The following BSN variants were observed in gnomAD, a reference collection of about 807,000 sequenced individuals.
The protein encoded by BSN is protein bassoon.
In BSN, 57 loss-of-function variants were observed where a neutral mutation model predicts 264.8. The observed-to-expected ratio is 0.22, with a 90% CI of 0.17 to 0.27. The LOEUF (loss-of-function observed/expected upper bound fraction) is 0.27, where lower values mean the gene tolerates loss of function less well. Among genes scored for constraint, BSN ranks in the 10% least tolerant of loss-of-function variants. The pLI is 1.00. For missense variants in BSN, 4,615 were observed against 5,232.5 expected, an observed-to-expected ratio of 0.88 and a Z score of 3.64; for synonymous variants, 2,059 against 2,137.3, an observed-to-expected ratio of 0.96 and a Z score of 1.01.
chr3:49,652,039 C>T lies in BSN; in HGVS notation c.2483C>T (p.Pro828Leu), dbSNP rs1238012744. Residue 828 changes from proline (P) to leucine (L), a missense_variant, in exon 5 of 12, where the codon CCC (proline) becomes CTC (leucine). Transcript: ENST00000296452. Reference sequence around the variant, plus strand: ...GAGGGTGGCCTGTCCCCTCTTCCACCCCAGCCCCCAGCCCGGGCAGCAGAA... The same window carrying T: ...GAGGGTGGCCTGTCCCCTCTTCCACTCCAGCCCCCAGCCCGGGCAGCAGAA... Reference protein sequence around the residue: ...SSEGGLSPLPPQPPARAAELT... With the variant: ...SSEGGLSPLPLQPPARAAELT... 3 of 1,610,154 alleles carry T rather than the reference C, an allele frequency of 1.9e-6. No individual in the cohort carries two copies. Among genetic ancestry groups the T allele is most frequent in the Non-Finnish European group, 2.5e-6 (3 of 1,177,294 alleles).
chr3:49,650,802 C>T lies in BSN; in HGVS notation c.1709C>T (p.Ala570Val), dbSNP rs1436231223. Residue 570 changes from alanine to valine, a missense_variant, in exon 4 of 12, where the codon GCC (alanine) becomes GTC (valine). Coordinates refer to ENST00000296452, the MANE Select transcript of BSN (RefSeq NM_003458.4). Reference sequence around the variant, plus strand: ...GGCCAGCCTTCAGGCCCCCTGCCTGCCAAGGCCAGCCCTCTATCCACCAAG... The same window carrying T: ...GGCCAGCCTTCAGGCCCCCTGCCTGTCAAGGCCAGCCCTCTATCCACCAAG... Reference protein sequence around the residue: ...GLGQPSGPLPAKASPLSTKAS... With the variant: ...GLGQPSGPLPVKASPLSTKAS... 3 of 1,613,976 alleles carry T rather than the reference C, an allele frequency of 1.9e-6. No homozygotes were observed. Among genetic ancestry groups the T allele is most frequent in the Middle Eastern group, 1.6e-4 (1 of 6,062 alleles).
intron 1 of BSN, among the ~76,000 whole-genome samples, chr3:49,601,903 C>T (rs953897834): frequency 1.3e-5 from 2 of 152,166 alleles, no homozygotes; most frequent in Non-Finnish European, 2.9e-5. Context: ...TGCGTGGTCC[C>T]CAGTTCTGTT....
chr3:49,575,413 T>G (rs545523885), intron 1 of BSN, among the ~76,000 whole-genome samples: 4 of 147,310 alleles, frequency 2.7e-5, no homozygotes, highest in Non-Finnish European at 6.0e-5. Context: ...TATATGTAAA[T>G]ATATATATGT....
intron 1 of BSN, among the ~76,000 whole-genome samples, chr3:49,570,198 G>GCAGC (rs937446205): frequency 2.0e-5 from 3 of 152,144 alleles, no homozygotes; most frequent in Non-Finnish European, 2.9e-5. Context: ...TGATTGCCTG[G>GCAGC]CAGCCTAAGA....
intron 1 of BSN, among the ~76,000 whole-genome samples, chr3:49,574,574 C>T (rs1235915056): frequency 6.6e-6 from 1 of 150,626 alleles, no homozygotes; most frequent in East Asian, 2.0e-4. Flanking sequence ...ACTGGGATTA[C>T]AGGCGCCTGC....
rs2052055625 is a variant in BSN, at chr3:49,599,589, T to C, written c.225-25386T>C. ...GTCCAAACACCACAGACTCTCACTG[T>C]TCTTACCAAGATTTAGTAGACTTTC... On this transcript the variant is annotated intron_variant, in intron 1 of 11. Coordinates refer to ENST00000296452, the MANE Select transcript of BSN (RefSeq NM_003458.4). 2.6e-5 allele frequency among the ~76,000 whole-genome samples: 4 copies of C among 152,194 alleles called. 1 individual carries two copies. The South Asian group carries it at 8.3e-4, about 32-fold the overall frequency.
chr3:49,621,378 G>A (rs2052304196), intron 1 of BSN, among the ~76,000 whole-genome samples: 1 of 152,212 alleles, frequency 6.6e-6, no homozygotes, highest in Non-Finnish European at 1.5e-5. Context: ...TCTCTCCAGT[G>A]TAAGGAGTGG....
rs757224173 is a variant in BSN, at chr3:49,655,046, G to A, written c.5490G>A (p.Lys1830=). The A allele has an allele frequency of 6.2e-7, 1 of 1,612,986 alleles. No individual in the cohort carries two copies. The highest frequency in any genetic ancestry group is 8.5e-7 in the Non-Finnish European group (1 of 1,180,040). The change falls in exon 5 of 12, where the codon AAG becomes AAA. Residue 1830 remains lysine (K), a synonymous_variant. Transcript: ENST00000296452. The stretch of plus-strand genomic sequence containing the variant: ...GCACCGCCCAGAGCATTGGCCTCAA[G>A]CCAGGCCCAGTGCCAGAGCCAGGTG... ...QMGTAQSIGL[K]PGPVPEPGAE...
At chr3:49,606,488 C>G (rs973397142) in intron 1 of BSN, among the ~76,000 whole-genome samples, 13 of 150,420 alleles carry the variant, frequency 8.6e-5, no homozygotes, top group Non-Finnish European at 1.5e-4. Flanking sequence ...TTGATCTTTG[C>G]TTATATCCTG....
chr3:49,603,049 A>G (rs1265427035), intron 1 of BSN, among the ~76,000 whole-genome samples: 1 of 152,162 alleles, frequency 6.6e-6, no homozygotes, highest in Non-Finnish European at 1.5e-5. Flanking sequence ...AGCCTGACCC[A>G]CTTGGCCATA....
chr3:49,632,637 C>T (rs2052390633), intron 2 of BSN, among the ~76,000 whole-genome samples: 1 of 152,064 alleles, frequency 6.6e-6, no homozygotes, highest in African/African-American at 2.4e-5. Flanking sequence ...AGCCCCATCT[C>T]TACTAAAAAT....
At position 49,660,808 on chromosome 3, in the gene BSN, A is replaced by T. The variant is rs1399082186; in HGVS notation, c.8963A>T (p.Glu2988Val). The T allele has an allele frequency of 6.2e-7, 1 of 1,613,154 alleles. No homozygotes were observed. The highest frequency in any genetic ancestry group is 1.1e-5 in the South Asian group (1 of 91,086). The change falls in exon 6 of 12, where the codon GAG becomes GTG. Residue 2988 changes from glutamate to valine, a missense_variant. Around this residue, in one of 3 missense-constraint regions of BSN, gnomAD observed 3,415 missense variants for 3,866.4 expected, o/e 0.88. Coordinates refer to ENST00000296452, the MANE Select transcript of BSN (RefSeq NM_003458.4). This position sits in a 1 kb window ranked among gnomAD's most constrained non-coding sequence, Gnocchi z 7.1. The stretch of plus-strand genomic sequence containing the variant: ...GAGTTGGGTATCACACAACGCAAAG[A>T]GTCTTTGGCCAAAGACCGGGGTGGC... Reference protein sequence around the residue: ...YLELGITQRKESLAKDRGGRD... With the variant: ...YLELGITQRKVSLAKDRGGRD...
chr3:49,567,646 G>A (rs1246708630), intron 1 of BSN, among the ~76,000 whole-genome samples: 1 of 152,194 alleles, frequency 6.6e-6, no homozygotes, highest in East Asian at 1.9e-4. Context: ...TAACATTCCT[G>A]TAGTCAAGCA....
chr3:49,619,286 A>G (rs2052284804), intron 1 of BSN, among the ~76,000 whole-genome samples: 1 of 152,214 alleles, frequency 6.6e-6, no homozygotes, highest in Admixed American at 6.5e-5. Context: ...TTCAATGCCA[A>G]GCGTGGCGCT....
At chr3:49,564,362 G>A (rs1221952433) in intron 1 of BSN, among the ~76,000 whole-genome samples, 2 of 152,210 alleles carry the variant, frequency 1.3e-5, no homozygotes, top group Non-Finnish European at 2.9e-5. Flanking sequence ...CACAGCCCAA[G>A]TGTGAATCTG....
In BSN at chr3:49,657,705, G is replaced by C; in HGVS notation, c.8149G>C (p.Ala2717Pro). Residue 2717 changes from alanine (A) to proline (P), a missense_variant, in exon 5 of 12, where the codon GCC (alanine) becomes CCC (proline). Transcript: ENST00000296452. ...PEKTGRGESLACQTEPDGQAQ... is the reference protein window; with the variant it reads ...PEKTGRGESLPCQTEPDGQAQ... ...GAAGACTGGGCGTGGGGAGAGCCTG[G>C]CCTGCCAGACGGAGCCAGATGGGCA... 1.3e-6 allele frequency: 2 copies of C among 1,553,446 alleles called. No individual in the cohort carries two copies. Among genetic ancestry groups the C allele is most frequent in the Non-Finnish European group, 1.7e-6 (2 of 1,146,522 alleles).
At chr3:49,646,963 T>C in intron 3 of BSN, among the ~76,000 whole-genome samples, 1 of 152,192 alleles carries the variant, frequency 6.6e-6, no homozygotes, top group East Asian at 1.9e-4. Flanking sequence ...GTGATGGCCA[T>C]CCCTGTGGTC....
chr3:49,661,202 A>C lies in BSN; in HGVS notation c.9357A>C (p.Ala3119=). 6.2e-7 allele frequency: 1 copy of C among 1,613,616 alleles called. No individual in the cohort carries two copies. Among genetic ancestry groups the C allele is most frequent in the East Asian group, 2.2e-5 (1 of 44,866 alleles). ...CTTTCCGCCCCACAGGCCACTATGC[A>C]GGCCAAACACCCATGCCAACCACAC... ...QQAFRPTGHY[A]GQTPMPTTQS... Residue 3119 remains alanine, a synonymous_variant, in exon 6 of 12, where the codon GCA becomes GCC. Coordinates refer to ENST00000296452, the MANE Select transcript of BSN (RefSeq NM_003458.4).
intron 1 of BSN, among the ~76,000 whole-genome samples, chr3:49,613,311 A>C (rs1265350084): frequency 1.1e-3 from 142 of 133,344 alleles, no homozygotes; most frequent in African/African-American, 4.0e-3. Context: ...AGCGAGAGAG[A>C]GAGAGAGAGA....
Sources: gnomAD v4.1 joint callset for allele counts (sites outside exome capture counted in the v4.1 genomes callset) on GRCh38, gnomAD v4.1.1 for gene constraint, gnomAD v4.1.1 regional missense constraint, Gnocchi (gnomAD v3.1) non-coding constraint, MANE v1.5 for transcripts, NCBI Gene and HGNC (gene_info 2026-07-23, HGNC 2026-07-21) for gene names.